Variants in TLE5 observed in about 807,000 individuals in gnomAD.
The protein encoded by TLE5 is TLE family member 5.
In TLE5, 7 loss-of-function variants were observed where a neutral mutation model predicts 25.8. That is an observed-to-expected ratio of 0.27 (90% CI 0.15 to 0.51). TLE5 has a LOEUF of 0.51. Among genes scored for constraint, TLE5 ranks in the 20% least tolerant of loss-of-function variants. TLE5 has a pLI of 0.97. For synonymous variants in TLE5, 132 were observed against 110.5 expected (o/e 1.20, Z -1.22); for missense variants, 149 against 250.7 (o/e 0.59, Z 2.74).
At chr19:3,054,086 T>TGGGGGGGGGGCCCCCCCC in intron 6 of TLE5, 34 bp downstream of exon 6, 1 of 1,512,802 alleles carries the variant, frequency 6.6e-7, no homozygotes, top group Non-Finnish European at 8.9e-7. Flanking sequence ...GGCCCACCTG[T>TGGGGGGGGGGCCCCCCCC]CCCCCGCCCA....
At chr19:3,056,956 A>G (rs2090224638) in intron 3 of TLE5, among the ~76,000 whole-genome samples, 1 of 152,076 alleles carries the variant, frequency 6.6e-6, no homozygotes, top group South Asian at 2.1e-4. Flanking sequence ...GCAAGACCCC[A>G]GCTGTGTGCC....
At chr19:3,062,056 G>C (rs904120047) in intron 1 of TLE5, 118 bp downstream of exon 1, 6 of 273,908 alleles carry the variant, frequency 2.2e-5, no homozygotes, top group South Asian at 3.0e-4. Flanking sequence ...AGTTGGGGGG[G>C]GCGCCGGGCC....
intron 1 of TLE5, 53 bp downstream of exon 1, chr19:3,062,121 G>A (rs2090276723): frequency 8.1e-6 from 8 of 992,678 alleles, no homozygotes; most frequent in Admixed American, 9.8e-5. Flanking sequence ...GGGGGTCGGG[G>A]GCGTAGGGCC....
At chr19:3,058,711 G>A (rs141499507) in intron 2 of TLE5, among the ~76,000 whole-genome samples, 198 of 152,308 alleles carry the variant, frequency 1.3e-3, no homozygotes, top group African/African-American at 4.5e-3. Context: ...CCATGAGGGC[G>A]TCATGGCCGG....
At chr19:3,056,141 A>C in intron 4 of TLE5, 171 bp downstream of exon 4, 2 of 419,374 alleles carry the variant, frequency 4.8e-6, no homozygotes. Context: ...GGCGGGGGGG[A>C]GGAGAGCGGG....
chr19:3,053,620 G>T lies in TLE5; in HGVS notation c.*199C>A. 1.6e-6 allele frequency: 1 copy of T among 621,256 alleles called. No individual in the cohort carries two copies. The highest frequency in any genetic ancestry group is 2.8e-5 in the East Asian group (1 of 36,094). 38.5% of individuals were successfully genotyped at this position (621,256 alleles called of 1,614,324 possible). A position where few individuals can be genotyped will look rare whatever the true frequency, so the allele number is the denominator to read the frequency against. On this transcript the variant is annotated 3_prime_UTR_variant, in exon 7 of 7. Transcript: ENST00000327141. Reference sequence around the variant, plus strand: ...CTAACCAGGCTGCAGGGGAGGAGGAGGGAAGCCGGGAATGGGGTAGGAAGA... The same window carrying T: ...CTAACCAGGCTGCAGGGGAGGAGGATGGAAGCCGGGAATGGGGTAGGAAGA...
chr19:3,060,210 C>T (rs1168950160), intron 2 of TLE5, among the ~76,000 whole-genome samples: 1 of 152,036 alleles, frequency 6.6e-6, no homozygotes, highest in East Asian at 1.9e-4. Context: ...GAACCTATAT[C>T]CTTAAACCAG....
At chr19:3,056,587 G>A (rs538795279) in intron 3 of TLE5, 22 of 665,488 alleles carry the variant, frequency 3.3e-5, no homozygotes, top group Non-Finnish European at 5.2e-5. Flanking sequence ...CTGGGGCTGC[G>A]GATGGAGACT....
chr19:3,062,761 G>C (rs1156313546), upstream of TLE5: 2 of 1,547,424 alleles, frequency 1.3e-6, no homozygotes, highest in Non-Finnish European at 1.7e-6. Context: ...GGCTGCCCGC[G>C]TCGAAGCCGC....
chr19:3,062,332 C>G lies in TLE5; in HGVS notation c.-132G>C, dbSNP rs1426264212. On this transcript the variant is annotated 5_prime_UTR_variant, in exon 1 of 7. Transcript: ENST00000327141. ...CCCGGGGCCGCCGCCGCCTCCCGCG[C>G]CCGGCCTCGCCCGCTTCCTGCGCCC... 2.0e-6 allele frequency: 2 copies of G among 978,202 alleles called. No individual in the cohort carries two copies. The highest frequency in any genetic ancestry group is 2.4e-6 in the Non-Finnish European group (2 of 826,830). The allele number at this position is 978,202 out of a possible 1,614,324, so 60.6% of individuals were successfully genotyped here. A position where few individuals can be genotyped will look rare whatever the true frequency, so the allele number is the denominator to read the frequency against.
intron 5 of TLE5, chr19:3,054,462 CA>C (rs1351383316): frequency 1.8e-6 from 1 of 567,924 alleles, no homozygotes; most frequent in Admixed American, 3.0e-5. Context: ...AGTTAGGAAA[CA>C]GCTTTTGAGT....
At position 3,056,373 on chromosome 19, in the gene TLE5, G is replaced by GA. The variant is rs1568264009; in HGVS notation, c.190-18dup. The GA allele has an allele frequency of 9.3e-7, 1 of 1,077,610 alleles. No individual in the cohort carries two copies. The highest frequency in any genetic ancestry group is 1.2e-6 in the Non-Finnish European group (1 of 807,296). 66.8% of individuals were successfully genotyped at this position (1,077,610 alleles called of 1,614,324 possible). ...CTCGTAGTACTGTATGGGGGAGAGA[G>GA]AGGGGGAGCGGGAGATGGGGGTGGG... On this transcript the variant is annotated splice_polypyrimidine_tract_variant and intron_variant, in intron 3 of 6. Coordinates refer to ENST00000327141, the MANE Select transcript of TLE5 (RefSeq NM_001130.6).
chr19:3,057,878 A>G, intron 2 of TLE5, 136 bp from the exon 3 acceptor site: 2 of 773,278 alleles, frequency 2.6e-6, no homozygotes, highest in South Asian at 3.2e-5. Context: ...CAGAGGGTCA[A>G]GCAATAATTT....
intron 3 of TLE5, 83 bp downstream of exon 3, chr19:3,057,596 G>C: frequency 7.3e-7 from 1 of 1,373,786 alleles, no homozygotes; most frequent in South Asian, 1.2e-5. Flanking sequence ...CGGGGTTGAG[G>C]GAGCAGCTGC....
chr19:3,053,664 A>G lies in TLE5; in HGVS notation c.*155T>C. ...AGGAAGAAAGCTAGAGGTGGCCTGC[A>G]AGCTGGGCTGGGGCCCCCGCCGGCG... On this transcript the variant is annotated 3_prime_UTR_variant, in exon 7 of 7. Coordinates refer to ENST00000327141, the MANE Select transcript of TLE5 (RefSeq NM_001130.6). The G allele has an allele frequency of 1.3e-6, 1 of 772,362 alleles. No individual in the cohort carries two copies. The highest frequency in any genetic ancestry group is 2.0e-6 in the Non-Finnish European group (1 of 491,634). The allele number at this position is 772,362 out of a possible 1,614,324, so 47.8% of individuals were successfully genotyped here.
At chr19:3,055,458 C>T in intron 5 of TLE5, 2 of 397,500 alleles carry the variant, frequency 5.0e-6, no homozygotes, top group Non-Finnish European at 8.9e-6. Context: ...TGAGGCCCGC[C>T]CCCCACACGC....
chr19:3,061,829 C>A (rs1262837021), intron 1 of TLE5, among the ~76,000 whole-genome samples: 2 of 142,202 alleles, frequency 1.4e-5, no homozygotes, highest in Admixed American at 7.0e-5. Context: ...GCGGGGCTTC[C>A]GGAGCGCCCC....
intron 2 of TLE5, among the ~76,000 whole-genome samples, 168 bp from the exon 3 acceptor site, chr19:3,057,910 G>T (rs1268438410): frequency 6.6e-6 from 1 of 152,024 alleles, no homozygotes; most frequent in Non-Finnish European, 1.5e-5. Flanking sequence ...TGAGACGGGG[G>T]TCTCCCTATG....
intron 5 of TLE5, chr19:3,054,566 C>A (rs1434245715): frequency 6.2e-6 from 2 of 322,644 alleles, no homozygotes; most frequent in Non-Finnish European, 1.2e-5. Flanking sequence ...AGTACACAAC[C>A]TGCCCAACTG....
Sources: allele counts gnomAD v4.1 joint callset (sites outside exome capture counted in the v4.1 genomes callset), GRCh38; gene constraint gnomAD v4.1.1; transcripts MANE v1.5; gene names NCBI Gene and HGNC (gene_info 2026-07-23, HGNC 2026-07-21).